RFC4: variants seen among roughly 807,000 people sequenced by gnomAD.
RFC4 encodes A1 37 kDa subunit.
A neutral mutation model predicts 47.6 loss-of-function variants in RFC4; 38 were observed. The ratio of observed to expected loss-of-function variants is 0.80; its 90% confidence interval spans 0.62 to 1.05. The LOEUF (loss-of-function observed/expected upper bound fraction) is 1.05. RFC4 is among the 50% of genes least tolerant of loss of function. The pLI is 0.00. For synonymous variants in RFC4, 164 were observed against 150.0 expected (o/e 1.09, Z -0.68); for missense variants, 489 against 434.0 (o/e 1.13, Z -1.13).
Position 186,804,670 on chromosome 3 carries a change from G to A in RFC4, c.44C>T (p.Pro15Leu), listed in dbSNP as rs146612878. 2.5e-5 allele frequency: 41 copies of A among 1,613,880 alleles called. No individual in the cohort carries two copies. Among genetic ancestry groups the A allele is most frequent in the African/African-American group, 1.5e-4 (11 of 74,868 alleles). ...LKGTSISTKP[P>L]LTKDRGVAAS... ...AGCTACTCCTCGATCCTTGGTCAGCGGGGGTTTAGTACTGATGGATGTACC... is the reference window on the plus strand; with the variant it reads ...AGCTACTCCTCGATCCTTGGTCAGCAGGGGTTTAGTACTGATGGATGTACC... Residue 15 changes from proline to leucine, a missense_variant, in exon 2 of 11, where the codon CCG (proline) becomes CTG (leucine). Pro to Leu is a moderately conservative substitution (Grantham distance 98). Around this residue, in one of 2 missense-constraint regions of RFC4, gnomAD observed 206 missense variants for 257.8 expected, o/e 0.80. Transcript: ENST00000296273.
Position 186,791,777 on chromosome 3 carries a change from C to T in RFC4, c.749G>A (p.Arg250Gln), listed in dbSNP as rs766450499. 8 of 1,611,172 alleles carry T rather than the reference C, an allele frequency of 5.0e-6. No homozygotes were observed. Among genetic ancestry groups the T allele is most frequent in the Middle Eastern group, 1.7e-4 (1 of 6,052 alleles). The change falls in exon 8 of 11, where the codon CGA becomes CAA. Residue 250 changes from arginine (R) to glutamine (Q), a missense_variant. Around this residue, in one of 2 missense-constraint regions of RFC4, gnomAD observed 283 missense variants for 176.2 expected, o/e 1.61. Transcript: ENST00000296273. ...TGTGATCTCCTTTCCACCTGTTAAT[C>T]GAGTAGCGCTTTGAAGAAATGTAAT... ...KAITFLQSAT[R>Q]LTGGKEITEK...
At chr3:186,794,538 T>C in intron 5 of RFC4, 120 bp downstream of exon 5, 2 of 992,326 alleles carry the variant, frequency 2.0e-6, no homozygotes, top group Non-Finnish European at 3.0e-6. Flanking sequence ...TCTTCTAACA[T>C]GAAAAGTTGA....
chr3:186,800,266 TAA>T (rs952946719), intron 3 of RFC4, among the ~76,000 whole-genome samples: 33 of 152,294 alleles, frequency 2.2e-4, no homozygotes, highest in African/African-American at 7.2e-4. Flanking sequence ...CAAAAAGGTA[TAA>T]GAGTATGCGA....
chr3:186,798,665 C>T (rs1053723113), intron 3 of RFC4, among the ~76,000 whole-genome samples: 2 of 152,188 alleles, frequency 1.3e-5, no homozygotes, highest in African/African-American at 4.8e-5. Flanking sequence ...CTTTCTGGCC[C>T]GAACATATGT....
intron 2 of RFC4, among the ~76,000 whole-genome samples, chr3:186,801,685 T>C (rs1471803343): frequency 8.1e-6 from 1 of 124,064 alleles, no homozygotes; most frequent in Non-Finnish European, 1.6e-5. Context: ...CACTCCAGCC[T>C]GGGTGACAGA....
At chr3:186,794,326 T>C (rs1275006662) in intron 5 of RFC4, among the ~76,000 whole-genome samples, 1 of 152,218 alleles carries the variant, frequency 6.6e-6, no homozygotes, top group Non-Finnish European at 1.5e-5. Context: ...TAAAAATACA[T>C]TAGGTGCTAT....
chr3:186,795,033 C>T (rs1722215473), intron 4 of RFC4, among the ~76,000 whole-genome samples: 1 of 152,194 alleles, frequency 6.6e-6, no homozygotes, highest in Admixed American at 6.5e-5. Context: ...GAGACAAGGT[C>T]TTGCTCTGTC....
At chr3:186,804,498 A>G (rs1159308887) in intron 2 of RFC4, 85 bp downstream of exon 2, 20 of 1,355,678 alleles carry the variant, frequency 1.5e-5, no homozygotes, top group Non-Finnish European at 2.0e-5. Context: ...GCATTCCTCC[A>G]TAAGTTAAAA....
intron 1 of RFC4, chr3:186,804,948 A>T (rs2293243): frequency 0.26 from 99,426 of 380,494 alleles, 14,567 homozygotes; most frequent in East Asian, 0.42. Flanking sequence ...AAAAGTGGTC[A>T]AAGTCCCTAA....
intron 6 of RFC4, 33 bp downstream of exon 6, chr3:186,792,771 G>A (rs957350738): frequency 1.3e-6 from 2 of 1,581,106 alleles, no homozygotes; most frequent in Admixed American, 1.9e-5. Context: ...AAATAAGGCT[G>A]CCTAGCATCT....
At chr3:186,792,769 C>A in intron 6 of RFC4, 35 bp downstream of exon 6, 3 of 1,576,196 alleles carry the variant, frequency 1.9e-6, no homozygotes, top group Non-Finnish European at 2.6e-6. Context: ...GAAAATAAGG[C>A]TGCCTAGCAT....
At chr3:186,792,437 T>C in intron 7 of RFC4, 53 bp downstream of exon 7, 1 of 1,512,208 alleles carries the variant, frequency 6.6e-7, no homozygotes, top group Non-Finnish European at 9.1e-7. Context: ...CCTCTTTATA[T>C]GCATTCATCA....
chr3:186,790,937 G>A (rs933439447), intron 8 of RFC4, among the ~76,000 whole-genome samples: 1 of 152,172 alleles, frequency 6.6e-6, no homozygotes, highest in African/African-American at 2.4e-5. Context: ...AGTGGTACCA[G>A]TCTTGTCATA....
chr3:186,790,112 T>G, intron 10 of RFC4, 30 bp downstream of exon 10: 2 of 1,603,262 alleles, frequency 1.2e-6, no homozygotes, highest in African/African-American at 2.7e-5. Flanking sequence ...AGTTAAATGT[T>G]CCATTGACAT....
At chr3:186,798,080 T>C (rs1311568648) in intron 3 of RFC4, among the ~76,000 whole-genome samples, 1 of 152,008 alleles carries the variant, frequency 6.6e-6, no homozygotes. Flanking sequence ...AAGACATAAT[T>C]AGGGCTTTGG....
chr3:186,792,720 C>G (rs1722168313), intron 6 of RFC4, 84 bp downstream of exon 6: 1 of 1,549,740 alleles, frequency 6.5e-7, no homozygotes, highest in South Asian at 1.2e-5. Flanking sequence ...ATTAATGTAG[C>G]CTTGAAAATC....
intron 2 of RFC4, among the ~76,000 whole-genome samples, chr3:186,803,388 A>G (rs1722402008): frequency 6.6e-6 from 1 of 152,086 alleles, no homozygotes; most frequent in South Asian, 2.1e-4. Flanking sequence ...AAAAACACAA[A>G]AAACATATGA....
chr3:186,795,477 A>G (rs1722224744), intron 4 of RFC4, among the ~76,000 whole-genome samples: 1 of 152,144 alleles, frequency 6.6e-6, no homozygotes. Flanking sequence ...GTAATTTTAA[A>G]TAATGTTATA....
chr3:186,804,817 AT>A, intron 1 of RFC4, 93 bp from the exon 2 acceptor site: 1 of 1,240,600 alleles, frequency 8.1e-7, no homozygotes, highest in Non-Finnish European at 1.1e-6. Context: ...GTGGGGAACC[AT>A]TATGAGAAAG....
Sources: gnomAD v4.1 joint callset for allele counts (sites outside exome capture counted in the v4.1 genomes callset) on GRCh38, gnomAD v4.1.1 for gene constraint, gnomAD v4.1.1 regional missense constraint, MANE v1.5 for transcripts, NCBI Gene and HGNC (gene_info 2026-07-23, HGNC 2026-07-21) for gene names.